The following LCOR variants were observed in gnomAD, a reference collection of about 807,000 sequenced individuals.
The protein encoded by LCOR is ligand-dependent corepressor.
A neutral mutation model predicts 64.4 loss-of-function variants in LCOR; 14 were observed. The ratio of observed to expected loss-of-function variants is 0.22; its 90% CI spans 0.14 to 0.34. LCOR has a LOEUF of 0.34. Ranked by LOEUF, LCOR falls within the 10% of genes least tolerant of loss-of-function variation. The pLI is 1.00. For missense variants in LCOR, 1,686 were observed against 1,765.3 expected, an observed-to-expected ratio of 0.96 and a Z score of 0.80; for synonymous variants, 643 against 642.5, an observed-to-expected ratio of 1.00 and a Z score of -0.01.
At chr10:96,840,533 C>T (rs1002730479) in intron 2 of LCOR, among the ~76,000 whole-genome samples, 2 of 152,102 alleles carry the variant, frequency 1.3e-5, no homozygotes. Flanking sequence ...TTTAGACTAA[C>T]GTTTCAAATT....
intron 7 of LCOR, chr10:96,961,814 T>C (rs1830470286): frequency 6.6e-6 from 1 of 151,540 alleles, no homozygotes. Context: ...CCCCTCAGAA[T>C]GAGTGAAACA....
At chr10:96,867,026 G>T (rs1042726681) in intron 2 of LCOR, among the ~76,000 whole-genome samples, 8 of 151,978 alleles carry the variant, frequency 5.3e-5, no homozygotes, top group African/African-American at 1.9e-4. Flanking sequence ...TTCACTCATT[G>T]CCCAGGCTGG....
At position 96,986,285 on chromosome 10, in the gene LCOR, T is replaced by C. The variant is rs1331248827; in HGVS notation, c.*1151T>C. On this transcript the variant is annotated 3_prime_UTR_variant, in exon 8 of 8. Coordinates refer to ENST00000421806, the MANE Select transcript of LCOR (RefSeq NM_001346516.2). ...AAGTAGCCCAGTGTCTCTGTGAGCA[T>C]CCCCAATACCACTTTGGTACCAGAC... 1 of 162,790 alleles carries C rather than the reference T, an allele frequency of 6.1e-6. No homozygotes were observed. Among genetic ancestry groups the C allele is most frequent in the Non-Finnish European group, 1.5e-5 (1 of 68,118 alleles). The allele number at this position is 162,790 out of a possible 1,614,324, so 10.1% of individuals were successfully genotyped here. A position where few individuals can be genotyped will look rare whatever the true frequency, so the allele number is the denominator to read the frequency against.
chr10:96,952,270 T>C (rs985811146), intron 7 of LCOR, 74 bp downstream of exon 7: 28 of 1,010,402 alleles, frequency 2.8e-5, no homozygotes, highest in African/African-American at 9.8e-5. Context: ...AGTCTCCCTT[T>C]TACATTTTAA....
rs992882652 is a variant in LCOR, at chr10:96,986,495, C to G, written c.*1361C>G. On this transcript the variant is annotated 3_prime_UTR_variant, in exon 8 of 8. Coordinates refer to ENST00000421806, the MANE Select transcript of LCOR (RefSeq NM_001346516.2). ...GTTCATTCTGATTGATTAACACCAT[C>G]CTAGTAGTTAAATGCTTGTAGTATC... 3 of 152,204 alleles carry G rather than the reference C, an allele frequency of 2.0e-5. No homozygotes were observed. Among genetic ancestry groups the G allele is most frequent in the Non-Finnish European group, 4.4e-5 (3 of 68,046 alleles). The allele number at this position is 152,204 out of a possible 1,614,324, so 9.4% of individuals were successfully genotyped here. A position where few individuals can be genotyped will look rare whatever the true frequency, so the allele number is the denominator to read the frequency against.
intron 4 of LCOR, among the ~76,000 whole-genome samples, chr10:96,913,902 GAAAA>G (rs112962978): frequency 7.2e-6 from 1 of 139,164 alleles, no homozygotes. Context: ...AGACTGTCTG[GAAAA>G]AAAAAAAAAA....
At chr10:96,916,601 A>C (rs1047497062) in intron 4 of LCOR, among the ~76,000 whole-genome samples, 17 of 148,930 alleles carry the variant, frequency 1.1e-4, no homozygotes, top group East Asian at 4.0e-4. Flanking sequence ...ATATATATAT[A>C]TATATCTATA....
chr10:96,916,587 C>A lies in LCOR; in HGVS notation c.-184+8840C>A, dbSNP rs980557701. ...GAAACACATATGAGATATTTAAAGGCTATATATATATATATATATCTATAT... is the reference window on the plus strand; with the variant it reads ...GAAACACATATGAGATATTTAAAGGATATATATATATATATATATCTATAT... On this transcript the variant is annotated intron_variant, in intron 4 of 7. Coordinates refer to ENST00000421806, the MANE Select transcript of LCOR (RefSeq NM_001346516.2). Among the ~76,000 whole-genome samples, 12 of 138,244 alleles carry A rather than the reference C, an allele frequency of 8.7e-5. No homozygotes were observed. In the South Asian group the frequency reaches 1.2e-3, roughly 14 times the overall value. The allele number at this position is 138,244 out of a possible 152,430, so 90.7% of individuals were successfully genotyped here.
intron 2 of LCOR, among the ~76,000 whole-genome samples, chr10:96,904,637 G>A (rs78264750): frequency 6.6e-6 from 1 of 152,182 alleles, no homozygotes; most frequent in Non-Finnish European, 1.5e-5. Flanking sequence ...TTCTTTATAT[G>A]TGATATGTAA....
chr10:96,981,370 T>C lies in LCOR; in HGVS notation c.910T>C (p.Cys304Arg). 1 of 1,614,092 alleles carries C rather than the reference T, an allele frequency of 6.2e-7. No homozygotes were observed. The highest frequency in any genetic ancestry group is 8.5e-7 in the Non-Finnish European group (1 of 1,180,028). Residue 304 changes from cysteine to arginine, a missense_variant, in exon 8 of 8, where the codon TGT (cysteine) becomes CGT (arginine). Physicochemically the swap from Cys to Arg is radical, Grantham distance 180. Around this residue, in one of 3 missense-constraint regions of LCOR, gnomAD observed 313 missense variants for 247.2 expected, o/e 1.27. Transcript: ENST00000421806. The stretch of plus-strand genomic sequence containing the variant: ...AGAGCAAGACACAAATGTGAACATA[T>C]GTGAGGATGGTAAAGACCATATGCA... ...GQEQDTNVNI[C>R]EDGKDHMQSS...
intron 2 of LCOR, among the ~76,000 whole-genome samples, chr10:96,877,121 A>G (rs1430881222): frequency 6.6e-6 from 1 of 152,198 alleles, no homozygotes; most frequent in Non-Finnish European, 1.5e-5. Context: ...CCCAGGGGCC[A>G]TCTTGTGTGC....
chr10:96,969,348 A>G (rs1310934033), intron 7 of LCOR, among the ~76,000 whole-genome samples: 5 of 152,244 alleles, frequency 3.3e-5, no homozygotes, highest in African/African-American at 1.2e-4. Context: ...CCTGCATTTC[A>G]TGGTACTGTT....
In LCOR at chr10:96,989,708, T is replaced by A. The variant is rs1340759249; in HGVS notation, c.*4574T>A. The stretch of plus-strand genomic sequence containing the variant: ...ATATATATATATATTTTTTTTTTTT[T>A]TTTTTTTTTTTAATAGAGACGAGGT... On this transcript the variant is annotated 3_prime_UTR_variant, in exon 8 of 8. Coordinates refer to ENST00000421806, the MANE Select transcript of LCOR (RefSeq NM_001346516.2). 7.2e-6 allele frequency: 1 copy of A among 138,730 alleles called. No individual in the cohort carries two copies. The highest frequency in any genetic ancestry group is 2.8e-5 in the African/African-American group (1 of 35,908). 8.6% of individuals were successfully genotyped at this position (138,730 alleles called of 1,614,324 possible).
chr10:96,873,584 G>A (rs375284211), intron 2 of LCOR, among the ~76,000 whole-genome samples: 20,550 of 141,504 alleles, frequency 0.15, 1,971 homozygotes, highest in African/African-American at 0.3. Flanking sequence ...GTGTGTGTGT[G>A]TGTGTGTGTG....
chr10:96,836,142 G>C (rs1259618660), intron 2 of LCOR, among the ~76,000 whole-genome samples: 2 of 152,180 alleles, frequency 1.3e-5, no homozygotes, highest in Non-Finnish European at 2.9e-5. Context: ...ATTTCAGATT[G>C]CCCTAATTTC....
chr10:96,872,590 C>T (rs764919663), intron 2 of LCOR, among the ~76,000 whole-genome samples: 20 of 152,068 alleles, frequency 1.3e-4, no homozygotes, highest in Non-Finnish European at 2.4e-4. Context: ...GGGACTGAGG[C>T]AGGAGGATTG....
intron 2 of LCOR, among the ~76,000 whole-genome samples, chr10:96,876,307 C>T (rs540698541): frequency 6.7e-4 from 102 of 152,248 alleles, no homozygotes; most frequent in African/African-American, 2.4e-3. Context: ...ATCATGGGGA[C>T]CCCACCCTGA....
intron 2 of LCOR, among the ~76,000 whole-genome samples, chr10:96,841,070 G>C (rs1046471143): frequency 6.6e-6 from 1 of 152,182 alleles, no homozygotes; most frequent in Non-Finnish European, 1.5e-5. Flanking sequence ...CTTGAGCCCA[G>C]GAGGTCGAGG....
chr10:96,860,758 A>G (rs1464608011), intron 2 of LCOR, among the ~76,000 whole-genome samples: 1 of 152,196 alleles, frequency 6.6e-6, no homozygotes. Flanking sequence ...GGAACTTTAC[A>G]TTTTAGTCTA....
Sources: allele counts gnomAD v4.1 joint callset (sites outside exome capture counted in the v4.1 genomes callset), GRCh38; gene constraint gnomAD v4.1.1; regional missense constraint gnomAD v4.1.1; transcripts MANE v1.5; gene names NCBI Gene and HGNC (gene_info 2026-07-23, HGNC 2026-07-21).